Variants in SRPK2 observed in about 807,000 individuals in gnomAD.
SRPK2 encodes SRSF protein kinase 2, also known as SFRS protein kinase 2.
SRPK2 carries 21 observed loss-of-function variants against 90.8 expected under a neutral mutation model. That is an observed-to-expected ratio of 0.23 (90% CI 0.16 to 0.33). The LOEUF (loss-of-function observed/expected upper bound fraction) is 0.33, where lower values mean the gene tolerates loss of function less well. SRPK2 is among the 10% of genes least tolerant of loss of function. The pLI is 1.00. For synonymous variants in SRPK2, 288 were observed against 311.1 expected (o/e 0.93, Z 0.78); for missense variants, 620 against 869.0 (o/e 0.71, Z 3.60).
At chr7:105,141,963 C>T in intron 11 of SRPK2, 45 bp downstream of exon 11, 6 of 1,570,828 alleles carry the variant, frequency 3.8e-6, no homozygotes, top group Non-Finnish European at 5.2e-6. Context: ...AAGGCACGTC[C>T]CTGGAGTCAG....
chr7:105,115,119 T>C (rs140583156), downstream of SRPK2: 107 of 152,328 alleles, frequency 7.0e-4, no homozygotes, highest in African/African-American at 2.2e-3. Flanking sequence ...CAGAATCTTA[T>C]ACATTTTGAT....
intron 3 of SRPK2, among the ~76,000 whole-genome samples, chr7:105,178,888 A>C (rs1398951659): frequency 3.9e-5 from 6 of 152,214 alleles, no homozygotes; most frequent in Non-Finnish European, 8.8e-5. Flanking sequence ...TATTTTCCTC[A>C]TTAGTAATTT....
At chr7:105,144,976 G>A (rs1049680121) in intron 9 of SRPK2, among the ~76,000 whole-genome samples, 1 of 151,948 alleles carries the variant, frequency 6.6e-6, no homozygotes, top group African/African-American at 2.4e-5. Context: ...TGCGGTGGCA[G>A]GTGCCTGTAA....
chr7:105,175,590 T>C (rs1791736326), intron 3 of SRPK2, among the ~76,000 whole-genome samples: 1 of 152,126 alleles, frequency 6.6e-6, no homozygotes, highest in Admixed American at 6.5e-5. Context: ...AAAAGCTGGT[T>C]CTTTAAGAAA....
intron 2 of SRPK2, among the ~76,000 whole-genome samples, chr7:105,277,759 A>C (rs1358065484): frequency 6.6e-6 from 1 of 152,196 alleles, no homozygotes. Flanking sequence ...ACTAACTTTT[A>C]TCCCCACCCA....
rs1450825992 is a variant in SRPK2 at position 105,127,424 on chromosome 7, C to T, written c.1753-362G>A. 2.6e-5 allele frequency among the ~76,000 whole-genome samples: 4 copies of T among 152,354 alleles called. No homozygotes were observed. The East Asian group carries it at 7.7e-4, about 29-fold the overall frequency. On this transcript the variant is annotated intron_variant, in intron 13 of 15. Transcript: ENST00000393651. ...CTCAACAAGGCCCGTCTGACTCCAGCACCTGCCTCAACCACTATAATAGCC... is the reference window on the plus strand; with the variant it reads ...CTCAACAAGGCCCGTCTGACTCCAGTACCTGCCTCAACCACTATAATAGCC...
chr7:105,304,724 G>A (rs1810959992), intron 2 of SRPK2, among the ~76,000 whole-genome samples: 1 of 152,072 alleles, frequency 6.6e-6, no homozygotes, highest in African/African-American at 2.4e-5. Flanking sequence ...CAAAATATTT[G>A]GTCCACCTTT....
At chr7:105,164,233 C>T (rs986637571) in intron 6 of SRPK2, among the ~76,000 whole-genome samples, 1 of 152,152 alleles carries the variant, frequency 6.6e-6, no homozygotes, top group Non-Finnish European at 1.5e-5. Flanking sequence ...TATGGAGAAC[C>T]AAAGAATGAT....
intron 3 of SRPK2, among the ~76,000 whole-genome samples, chr7:105,200,024 G>T (rs74455933): frequency 0.012 from 1,887 of 152,266 alleles, 34 homozygotes; most frequent in African/African-American, 0.043. Context: ...TCAAAGGACC[G>T]GGCATGGTGG....
At chr7:105,375,738 G>A (rs1224019762) in intron 2 of SRPK2, among the ~76,000 whole-genome samples, 1 of 152,050 alleles carries the variant, frequency 6.6e-6, no homozygotes, top group African/African-American at 2.4e-5. Context: ...ACAATCCTTG[G>A]GACCAGATGT....
intron 15 of SRPK2, among the ~76,000 whole-genome samples, chr7:105,119,697 A>T (rs911728111): frequency 6.6e-6 from 1 of 152,226 alleles, no homozygotes; most frequent in Non-Finnish European, 1.5e-5. Context: ...CTCCATAAAA[A>T]CAAAGTCTGA....
chr7:105,244,446 C>T (rs1169976392), intron 2 of SRPK2, among the ~76,000 whole-genome samples: 1 of 152,154 alleles, frequency 6.6e-6, no homozygotes, highest in African/African-American at 2.4e-5. Flanking sequence ...ACCAGGCGCG[C>T]GCCTGTAATC....
chr7:105,236,526 A>G (rs1203887828), intron 2 of SRPK2, among the ~76,000 whole-genome samples: 1 of 152,152 alleles, frequency 6.6e-6, no homozygotes, highest in Non-Finnish European at 1.5e-5. Flanking sequence ...GTGAAGGGGG[A>G]AAATAGGTTT....
intron 2 of SRPK2, among the ~76,000 whole-genome samples, chr7:105,320,709 C>T (rs976783729): frequency 6.6e-6 from 1 of 152,168 alleles, no homozygotes; most frequent in Non-Finnish European, 1.5e-5. Context: ...TACAGCTTTT[C>T]CTTTTTTTAA....
chr7:105,386,372 AT>A (rs1308058700), intron 2 of SRPK2, among the ~76,000 whole-genome samples: 1 of 151,168 alleles, frequency 6.6e-6, no homozygotes, highest in Non-Finnish European at 1.5e-5. Flanking sequence ...GTAAATACCT[AT>A]TGAAGACATG....
upstream of SRPK2, among the ~76,000 whole-genome samples, chr7:105,391,289 T>A (rs1403295583): frequency 6.6e-6 from 1 of 152,094 alleles, no homozygotes; most frequent in African/African-American, 2.4e-5. Context: ...CTTCGCAACC[T>A]CTGCCTCCCA....
chr7:105,224,423 A>G (rs1798469466), intron 2 of SRPK2, among the ~76,000 whole-genome samples: 1 of 152,038 alleles, frequency 6.6e-6, no homozygotes, highest in Admixed American at 6.6e-5. Context: ...TAGCCTGGCT[A>G]ACATGGTGAA....
intron 2 of SRPK2, among the ~76,000 whole-genome samples, chr7:105,295,833 A>T (rs1392005225): frequency 6.6e-6 from 1 of 152,196 alleles, no homozygotes; most frequent in African/African-American, 2.4e-5. Context: ...CTCTTGGATA[A>T]CATTAGACAC....
intron 2 of SRPK2, among the ~76,000 whole-genome samples, chr7:105,331,903 A>T (rs1814464159): frequency 6.6e-6 from 1 of 152,146 alleles, no homozygotes; most frequent in Non-Finnish European, 1.5e-5. Context: ...TCAGGCCTAT[A>T]ATCTCAGCAC....
Sources: gnomAD v4.1 joint callset for allele counts (sites outside exome capture counted in the v4.1 genomes callset) on GRCh38, gnomAD v4.1.1 for gene constraint, MANE v1.5 for transcripts, NCBI Gene and HGNC (gene_info 2026-07-23, HGNC 2026-07-21) for gene names.